The following GRM8 variants were observed in gnomAD, a reference collection of about 807,000 sequenced individuals.
GRM8 encodes metabotropic glutamate receptor 8.
GRM8 carries 47 observed loss-of-function variants against 87.2 expected under a neutral mutation model. That is an observed-to-expected ratio of 0.54 (90% CI 0.43 to 0.69). The LOEUF is 0.69. Ranked by LOEUF, GRM8 falls within the 30% of genes least tolerant of loss-of-function variation. The pLI is 0.00. For missense variants in GRM8, 1,019 were observed against 1,139.2 expected, an observed-to-expected ratio of 0.89 and a Z score of 1.52; for synonymous variants, 396 against 404.5, an observed-to-expected ratio of 0.98 and a Z score of 0.25.
At chr7:126,782,909 T>A (rs181966050) in intron 6 of GRM8, among the ~76,000 whole-genome samples, 8 of 152,304 alleles carry the variant, frequency 5.3e-5, no homozygotes, top group Admixed American at 6.5e-5. Context: ...CAGTGGCTGA[T>A]TAAAGCAGGT....
intron 3 of GRM8, among the ~76,000 whole-genome samples, chr7:127,022,910 A>G (rs1172764225): frequency 6.6e-6 from 1 of 152,066 alleles, no homozygotes; most frequent in African/African-American, 2.4e-5. Flanking sequence ...AGCAAGATCT[A>G]TATTATGAGA....
chr7:126,936,257 T>C (rs938277673), intron 3 of GRM8, among the ~76,000 whole-genome samples: 5 of 152,192 alleles, frequency 3.3e-5, no homozygotes, highest in Non-Finnish European at 5.9e-5. Context: ...CAACTCACAT[T>C]GTATTTGTAA....
chr7:126,472,677 C>G (rs1189002594), intron 9 of GRM8, among the ~76,000 whole-genome samples: 1 of 152,178 alleles, frequency 6.6e-6, no homozygotes, highest in Non-Finnish European at 1.5e-5. Flanking sequence ...ATGTTCACTG[C>G]CACGACAATG....
chr7:126,523,094 A>T (rs1813240062), intron 9 of GRM8, among the ~76,000 whole-genome samples: 1 of 152,262 alleles, frequency 6.6e-6, no homozygotes, highest in Admixed American at 6.5e-5. Flanking sequence ...ACGTTCAAAA[A>T]GGATTTTTGT....
intron 3 of GRM8, among the ~76,000 whole-genome samples, chr7:126,949,849 C>T (rs1807942773): frequency 6.6e-6 from 1 of 152,152 alleles, no homozygotes; most frequent in African/African-American, 2.4e-5. Flanking sequence ...CTGACTAATT[C>T]TTCTTCAAAA....
Position 126,986,564 on chromosome 7 carries a change from T to C in GRM8, c.728-81881A>G, listed in dbSNP as rs1812093660. ...TGGTCTCTGAGAAGCTATGCACTTT[T>C]ATATTTGTTACTCAGACCTCTTGAA... On this transcript the variant is annotated intron_variant, in intron 3 of 10. Transcript: ENST00000339582. Among the ~76,000 whole-genome samples the C allele has an allele frequency of 2.0e-5, 3 of 152,358 alleles. No individual in the cohort carries two copies. In the South Asian group the frequency reaches 6.2e-4, roughly 32 times the overall value.
intron 8 of GRM8, among the ~76,000 whole-genome samples, chr7:126,535,059 T>C (rs1310823146): frequency 1.3e-5 from 2 of 152,092 alleles, no homozygotes; most frequent in African/African-American, 2.4e-5. Flanking sequence ...TGAAGGAATG[T>C]TTCAGAAAAA....
rs142333114 is a variant in GRM8 at position 126,532,950 on chromosome 7, A to G, written c.2430+2T>C. 41 of 1,586,312 alleles carry G rather than the reference A, an allele frequency of 2.6e-5. No homozygotes were observed. Among genetic ancestry groups the G allele is most frequent in the Non-Finnish European group, 3.5e-5 (41 of 1,161,772 alleles). On this transcript the variant is annotated splice_donor_variant, in intron 9 of 10. Transcript: ENST00000339582. LOFTEE classifies it high-confidence loss of function. ...TTGTCAAGTGTATTTCCTTCTACTT[A>G]CCTTTTCTGCTGACTGGGCTGTACC...
chr7:126,867,378 A>T (rs1387886820), intron 6 of GRM8, among the ~76,000 whole-genome samples: 1 of 152,236 alleles, frequency 6.6e-6, no homozygotes, highest in Non-Finnish European at 1.5e-5. Flanking sequence ...AAAGAAAAAA[A>T]GTAGTAAATT....
At chr7:126,893,195 G>A (rs1801232674) in intron 6 of GRM8, among the ~76,000 whole-genome samples, 4 of 151,884 alleles carry the variant, frequency 2.6e-5, no homozygotes, top group Admixed American at 2.6e-4. Flanking sequence ...TGGAGTCATG[G>A]CATTTATAAT....
At chr7:126,508,069 C>G (rs907616371) in intron 9 of GRM8, among the ~76,000 whole-genome samples, 3 of 152,088 alleles carry the variant, frequency 2.0e-5, no homozygotes, top group Non-Finnish European at 4.4e-5. Flanking sequence ...AAACCCTCAT[C>G]ATAGAGTATT....
chr7:126,441,690 ACAAT>A (rs1214059331), intron 10 of GRM8, among the ~76,000 whole-genome samples: 1 of 152,130 alleles, frequency 6.6e-6, no homozygotes, highest in Non-Finnish European at 1.5e-5. Context: ...GAAATAACTG[ACAAT>A]CAGACTCATT....
chr7:127,200,528 G>C (rs965994661), intron 2 of GRM8, among the ~76,000 whole-genome samples: 7 of 152,174 alleles, frequency 4.6e-5, no homozygotes, highest in African/African-American at 9.6e-5. Flanking sequence ...GTGGCCTAAA[G>C]CAACAGCAAT....
rs570862336 is a variant in GRM8, at chr7:126,593,996, G to A, written c.1494+15366C>T. Among the ~76,000 whole-genome samples the A allele has an allele frequency of 1.3e-4, 20 of 152,048 alleles. No homozygotes were observed. In the South Asian group the frequency reaches 4.1e-3, roughly 32 times the overall value. On this transcript the variant is annotated intron_variant, in intron 8 of 10. Transcript: ENST00000339582. Reference sequence around the variant, plus strand: ...ATAGACAATAGGTATATGAAAAAACGCCCAACATCACAAATCATTAGGAAA... The same window carrying A: ...ATAGACAATAGGTATATGAAAAAACACCCAACATCACAAATCATTAGGAAA...
At chr7:127,163,731 T>C (rs1330773025) in intron 2 of GRM8, among the ~76,000 whole-genome samples, 8 of 152,206 alleles carry the variant, frequency 5.3e-5, no homozygotes, top group African/African-American at 1.7e-4. Context: ...TAAGAGATCA[T>C]GATTTGGTAA....
chr7:127,030,154 A>C (rs1817218384), intron 3 of GRM8, among the ~76,000 whole-genome samples: 1 of 151,894 alleles, frequency 6.6e-6, no homozygotes, highest in South Asian at 2.1e-4. Flanking sequence ...GAGTGCTTCA[A>C]ACTCCTACTC....
intron 2 of GRM8, among the ~76,000 whole-genome samples, chr7:127,215,611 C>G (rs1796479268): frequency 6.6e-6 from 1 of 152,208 alleles, no homozygotes; most frequent in Admixed American, 6.5e-5. Context: ...GGTGTCAGCT[C>G]TCTCTCCATT....
chr7:126,902,910 A>G (rs530965595), intron 5 of GRM8, among the ~76,000 whole-genome samples: 20 of 152,282 alleles, frequency 1.3e-4, no homozygotes, highest in African/African-American at 4.8e-4. Context: ...ACCTGGCTCT[A>G]TGAATAAGTA....
chr7:126,533,328 G>A lies in GRM8; in HGVS notation c.2054C>T (p.Thr685Ile). 6.2e-7 allele frequency: 1 copy of A among 1,613,820 alleles called. No individual in the cohort carries two copies. Residue 685 changes from threonine to isoleucine, a missense_variant, in exon 9 of 11, where the codon ACA (threonine) becomes ATA (isoleucine). Physicochemically the swap from Thr to Ile is moderately conservative, Grantham distance 89. Coordinates refer to ENST00000339582, the MANE Select transcript of GRM8 (RefSeq NM_000845.3). ...TGCTGGACTAATGAACTTGGGCGCT[G>A]TGACAGATTTCTTCCCCTGCTCAAA... ...RIFEQGKKSVTAPKFISPASQ... is the reference protein window; with the variant it reads ...RIFEQGKKSVIAPKFISPASQ...
Sources: allele counts gnomAD v4.1 joint callset (sites outside exome capture counted in the v4.1 genomes callset), GRCh38; gene constraint gnomAD v4.1.1; transcripts MANE v1.5; gene names NCBI Gene and HGNC (gene_info 2026-07-23, HGNC 2026-07-21).